The following PDE1A variants were observed in gnomAD, a reference collection of about 807,000 sequenced individuals.
PDE1A encodes phosphodiesterase 1A, also known as dual specificity calcium/calmodulin-dependent 3',5'-cyclic nucleotide phosphodiesterase 1A.
A neutral mutation model predicts 61.7 loss-of-function variants in PDE1A; 35 were observed. The observed-to-expected ratio is 0.57, with a 90% CI of 0.43 to 0.75. The LOEUF (loss-of-function observed/expected upper bound fraction) is 0.75. Ranked by LOEUF, PDE1A falls within the 30% of genes least tolerant of loss-of-function variation. The pLI, the probability that PDE1A is intolerant of heterozygous loss-of-function variation, is 0.00. For synonymous variants in PDE1A, 232 were observed against 213.2 expected (o/e 1.09, Z -0.77); for missense variants, 597 against 630.6 (o/e 0.95, Z 0.57).
At chr2:182,560,936 A>G in the PDE1A span, among the ~76,000 whole-genome samples, 5 of 151,810 alleles carry the variant, frequency 3.3e-5, no homozygotes, top group African/African-American at 9.7e-5. Context: ...GTTTGAGTTC[A>G]TTGTAGATTC....
chr2:182,183,424 C>T (rs1417099593), intron 13 of PDE1A, among the ~76,000 whole-genome samples: 1 of 152,214 alleles, frequency 6.6e-6, no homozygotes, highest in Non-Finnish European at 1.5e-5. Context: ...TCCTCTCCAA[C>T]TCTGACCTGG....
chr2:182,579,945 T>C, the PDE1A span, among the ~76,000 whole-genome samples: 1 of 152,224 alleles, frequency 6.6e-6, no homozygotes, highest in Admixed American at 6.5e-5. Context: ...CATATTTCAC[T>C]ATAGCTGATC....
At chr2:182,325,656 G>A (rs1250449708) in intron 1 of PDE1A, among the ~76,000 whole-genome samples, 4 of 152,166 alleles carry the variant, frequency 2.6e-5, no homozygotes, top group Middle Eastern at 3.2e-3. Context: ...GCTGCCTCAC[G>A]TCTGTAATCC....
chr2:182,306,319 T>C (rs993943854), intron 1 of PDE1A, among the ~76,000 whole-genome samples: 1 of 152,136 alleles, frequency 6.6e-6, no homozygotes, highest in Non-Finnish European at 1.5e-5. Context: ...CTCTTTGACA[T>C]ACTGATTTCA....
At chr2:182,174,968 C>T (rs529364181) in intron 13 of PDE1A, among the ~76,000 whole-genome samples, 4 of 152,202 alleles carry the variant, frequency 2.6e-5, no homozygotes, top group African/African-American at 9.6e-5. Flanking sequence ...TTATTCAAGT[C>T]CCACTTATAA....
At chr2:182,557,331 T>G in the PDE1A span, among the ~76,000 whole-genome samples, 3 of 152,204 alleles carry the variant, frequency 2.0e-5, no homozygotes, top group Non-Finnish European at 1.5e-5. Context: ...TTTTCTAAAT[T>G]TTTATATTAT....
At chr2:182,264,893 G>GTATATATATATATATATATATATATA (rs1692517676) in intron 1 of PDE1A, among the ~76,000 whole-genome samples, 1 of 37,506 alleles carries the variant, frequency 2.7e-5, no homozygotes, top group Non-Finnish European at 5.1e-5. Context: ...ATATATATAT[G>GTATATATATATATATATATATATATA]TATATATATA....
At chr2:182,646,893 T>C in the PDE1A span, among the ~76,000 whole-genome samples, 1 of 152,196 alleles carries the variant, frequency 6.6e-6, no homozygotes, top group Admixed American at 6.5e-5. Flanking sequence ...GCAGTAAATT[T>C]AGCCATCAGG....
the PDE1A span, among the ~76,000 whole-genome samples, chr2:182,615,086 T>C: frequency 6.6e-6 from 1 of 152,220 alleles, no homozygotes. Flanking sequence ...TGAATCCAAA[T>C]GCATGCCATT....
At chr2:182,480,604 T>C (rs774182161) in intron 2 of PDE1A, among the ~76,000 whole-genome samples, 1 of 151,984 alleles carries the variant, frequency 6.6e-6, no homozygotes, top group Non-Finnish European at 1.5e-5. Context: ...TGAAGTGATG[T>C]GTAGGCATTG....
At chr2:182,708,489 G>C in the PDE1A span, among the ~76,000 whole-genome samples, 1 of 152,160 alleles carries the variant, frequency 6.6e-6, no homozygotes, top group Non-Finnish European at 1.5e-5. Context: ...CTGCTCTAAA[G>C]AACTTCCCTG....
chr2:182,369,899 G>A (rs1700033635), intron 1 of PDE1A, among the ~76,000 whole-genome samples: 1 of 152,216 alleles, frequency 6.6e-6, no homozygotes. Context: ...CATTGGCTGG[G>A]CGCAGTGGCT....
the PDE1A span, among the ~76,000 whole-genome samples, chr2:182,644,318 T>C: frequency 6.6e-6 from 1 of 151,094 alleles, no homozygotes; most frequent in Non-Finnish European, 1.5e-5. Flanking sequence ...TGTCTGTGTA[T>C]GTAAAGCCAT....
rs184582481 is a variant in PDE1A, at chr2:182,296,740, G to A, written c.54-32326C>T. On this transcript the variant is annotated intron_variant, in intron 1 of 13. Coordinates refer to ENST00000351439, the Ensembl canonical transcript of PDE1A. Reference sequence around the variant, plus strand: ...TGCTCAGATAAAACATTATTTCTGGGTGTGCTGTGAGTGTTTCCCAATTAG... The same window carrying A: ...TGCTCAGATAAAACATTATTTCTGGATGTGCTGTGAGTGTTTCCCAATTAG... 5.3e-5 allele frequency among the ~76,000 whole-genome samples: 8 copies of A among 152,246 alleles called. No individual in the cohort carries two copies. The East Asian group carries it at 1.5e-3, about 29-fold the overall frequency.
chr2:182,521,704 G>A (rs1271656253), intron 2 of PDE1A, among the ~76,000 whole-genome samples: 4 of 152,058 alleles, frequency 2.6e-5, no homozygotes, highest in Non-Finnish European at 5.9e-5. Context: ...TGTACTCTCA[G>A]GAGAAGTGAA....
At chr2:182,540,366 G>GA in the PDE1A span, among the ~76,000 whole-genome samples, 36,744 of 108,358 alleles carry the variant, frequency 0.34, 8,450 homozygotes, top group East Asian at 0.5. Flanking sequence ...CTGTCTCAAA[G>GA]AAAAAAAAAA....
the PDE1A span, among the ~76,000 whole-genome samples, chr2:182,691,397 T>G: frequency 6.6e-6 from 1 of 152,222 alleles, no homozygotes; most frequent in Non-Finnish European, 1.5e-5. Flanking sequence ...CCGTCTGATC[T>G]TTGACAAACC....
At chr2:182,193,590 C>T (rs927857838) in intron 10 of PDE1A, among the ~76,000 whole-genome samples, 1 of 152,038 alleles carries the variant, frequency 6.6e-6, no homozygotes, top group Non-Finnish European at 1.5e-5. Flanking sequence ...AATTTAGGCC[C>T]TCTAATGACC....
chr2:182,234,677 G>A (rs1304192024), intron 3 of PDE1A, among the ~76,000 whole-genome samples, 179 bp from the exon 4 acceptor site: 4 of 152,124 alleles, frequency 2.6e-5, no homozygotes, highest in Admixed American at 2.0e-4. Flanking sequence ...TCTACAATGT[G>A]ACAATGTAAT....
Sources: gnomAD v4.1 joint callset for allele counts (sites outside exome capture counted in the v4.1 genomes callset) on GRCh38, gnomAD v4.1.1 for gene constraint, MANE v1.5 for transcripts, NCBI Gene and HGNC (gene_info 2026-07-23, HGNC 2026-07-21) for gene names.